Variants in TRIM49C observed in about 807,000 individuals in gnomAD.
The protein encoded by TRIM49C is tripartite motif containing 49C.
A neutral mutation model predicts 21.4 loss-of-function variants in TRIM49C; 6 were observed. That is an observed-to-expected ratio of 0.28 (90% CI 0.15 to 0.55). The LOEUF (loss-of-function observed/expected upper bound fraction) is 0.55, where lower values mean the gene tolerates loss of function less well. Ranked by LOEUF, TRIM49C falls within the 20% of genes least tolerant of loss-of-function variation. TRIM49C has a pLI of 0.94. For synonymous variants in TRIM49C, 57 were observed against 148.1 expected (o/e 0.38, Z 4.47); for missense variants, 161 against 442.4 (o/e 0.36, Z 5.71).
In TRIM49C at chr11:90,041,535, CTG is replaced by C. The variant is rs1950771073; in HGVS notation, c.1346_1347del (p.Cys449TyrfsTer30). The stretch of plus-strand genomic sequence containing the variant: ...CACCTCCTCTCAGGCCTATCTTTTG[CTG>C]TATTCACTTCTGACCAGAGACAAAT... ...FSPPLRPIFC[C>X]IHF On this transcript the variant is annotated frameshift_variant, in exon 8 of 8. Transcript: ENST00000448984. LOFTEE classifies it high-confidence loss of function. 7.1e-7 allele frequency: 1 copy of C among 1,398,780 alleles called. No homozygotes were observed. Among genetic ancestry groups the C allele is most frequent in the Admixed American group, 2.1e-5 (1 of 46,606 alleles). 86.6% of individuals were successfully genotyped at this position (1,398,780 alleles called of 1,614,324 possible).
At chr11:90,054,319 G>A in the TRIM49C span, among the ~76,000 whole-genome samples, 1 of 131,876 alleles carries the variant, frequency 7.6e-6, no homozygotes, top group Non-Finnish European at 1.6e-5. Flanking sequence ...TCTTCCACTG[G>A]CATGTTAAGT....
rs962892664 is a variant in TRIM49C, at chr11:90,032,595, T to C, written c.-5+13T>C. The C allele has an allele frequency of 2.3e-5, 3 of 130,816 alleles. No homozygotes were observed. The highest frequency in any genetic ancestry group is 2.6e-4 in the South Asian group (1 of 3,866). The allele number at this position is 130,816 out of a possible 1,614,324, so 8.1% of individuals were successfully genotyped here. A position where few individuals can be genotyped will look rare whatever the true frequency, so the allele number is the denominator to read the frequency against. On this transcript the variant is annotated intron_variant, in intron 2 of 7. Coordinates refer to ENST00000448984, the MANE Select transcript of TRIM49C (RefSeq NM_001195234.1). ...AAAGAACTCCAGGGTGAGTGAAACA[T>C]ATTGATAAAATTATATCATCTTTCC... is the stretch of plus-strand genomic sequence containing the variant.
chr11:90,072,246 A>G, the TRIM49C span, among the ~76,000 whole-genome samples: 1 of 143,206 alleles, frequency 7.0e-6, no homozygotes, highest in African/African-American at 2.5e-5. Context: ...TAAAGCATAC[A>G]CGAGTAACTT....
Position 90,032,208 on chromosome 11 carries a change from A to G in TRIM49C, c.-190-189A>G. ...ATGCATCTTAGTTAATTTCTAGCCTATGTATGCTCTGACAGGATTTATGTT... is the reference window on the plus strand; with the variant it reads ...ATGCATCTTAGTTAATTTCTAGCCTGTGTATGCTCTGACAGGATTTATGTT... On this transcript the variant is annotated intron_variant, in intron 1 of 7. Coordinates refer to ENST00000448984, the MANE Select transcript of TRIM49C (RefSeq NM_001195234.1). Among the ~76,000 whole-genome samples, 4 of 133,440 alleles carry G rather than the reference A, an allele frequency of 3.0e-5. 2 individuals are homozygous for G. Among genetic ancestry groups the G allele is most frequent in the Non-Finnish European group, 6.4e-5 (4 of 62,344 alleles). The allele number at this position is 133,440 out of a possible 152,430, so 87.5% of individuals were successfully genotyped here.
the TRIM49C span, among the ~76,000 whole-genome samples, chr11:90,054,836 CAG>C: frequency 7.1e-6 from 1 of 139,992 alleles, no homozygotes; most frequent in East Asian, 2.1e-4. Context: ...CTTCCAAAAT[CAG>C]AGTCAAATAC....
the TRIM49C span, among the ~76,000 whole-genome samples, chr11:90,065,818 C>T: frequency 1.5e-4 from 20 of 136,938 alleles, 2 homozygotes; most frequent in African/African-American, 5.2e-4. Context: ...TAACCGAGTT[C>T]GGCGGCAGGC....
rs1350650838 is a variant in TRIM49C at position 90,035,528 on chromosome 11, T to G, written c.317T>G (p.Val106Gly). ...GAGACAAAGAAGATATTCTGTGAAG[T>G]GGACAGGAGCCTGCTCTGTTTGCTG... is the stretch of plus-strand genomic sequence containing the variant. ...HRETKKIFCE[V>G]DRSLLCLLCS... Residue 106 changes from valine to glycine, a missense_variant, in exon 3 of 8, where the codon GTG (valine) becomes GGG (glycine). Val to Gly is a moderately radical substitution (Grantham distance 109). Transcript: ENST00000448984. 1 of 1,475,030 alleles carries G rather than the reference T, an allele frequency of 6.8e-7. No homozygotes were observed. The highest frequency in any genetic ancestry group is 1.2e-5 in the South Asian group (1 of 82,020). 91.4% of individuals were successfully genotyped at this position (1,475,030 alleles called of 1,614,324 possible). A position where few individuals can be genotyped will look rare whatever the true frequency, so the allele number is the denominator to read the frequency against.
At chr11:90,045,840 C>G (rs1291511930), downstream of TRIM49C, among the ~76,000 whole-genome samples, 9 of 120,994 alleles carry the variant, frequency 7.4e-5, 3 homozygotes, top group African/African-American at 3.0e-4. Flanking sequence ...GACAGAGTAT[C>G]CCTGTCTTGC....
rs1163719560 is a variant in TRIM49C at position 90,034,174 on chromosome 11, G to C, written c.-4-1034G>C. ...CTGAAAGCTTCAGAACAAGTTTCAG[G>C]AGAGAGACGGAGGAAGTTGCCTTTT... is the stretch of plus-strand genomic sequence containing the variant. On this transcript the variant is annotated intron_variant, in intron 2 of 7. Transcript: ENST00000448984. Among the ~76,000 whole-genome samples the C allele has an allele frequency of 1.7e-5, 2 of 117,574 alleles. 1 individual carries two copies. The highest frequency in any genetic ancestry group is 3.2e-5 in the Non-Finnish European group (2 of 62,048). The allele number at this position is 117,574 out of a possible 152,430, so 77.1% of individuals were successfully genotyped here. A position where few individuals can be genotyped will look rare whatever the true frequency, so the allele number is the denominator to read the frequency against.
At chr11:90,071,627 T>C in the TRIM49C span, 1 of 878,578 alleles carries the variant, frequency 1.1e-6, no homozygotes, top group South Asian at 1.4e-5. Context: ...AATGAAGCAT[T>C]TTCTGTTGGA....
chr11:90,067,505 T>C, the TRIM49C span, among the ~76,000 whole-genome samples: 3 of 147,708 alleles, frequency 2.0e-5, no homozygotes, highest in Non-Finnish European at 4.5e-5. Context: ...AGATAAAGTC[T>C]TTGAATGTTC....
At chr11:90,049,271 A>G in the TRIM49C span, among the ~76,000 whole-genome samples, 1 of 102,322 alleles carries the variant, frequency 9.8e-6, no homozygotes, top group Non-Finnish European at 1.9e-5. Flanking sequence ...GAGAACCACT[A>G]CTCTCTTCAA....
At chr11:90,037,187 G>T (rs1286170535) in intron 4 of TRIM49C, among the ~76,000 whole-genome samples, 3 of 135,784 alleles carry the variant, frequency 2.2e-5, no homozygotes, top group Admixed American at 8.6e-5. Flanking sequence ...TTTGGAGGCC[G>T]GAGGAACCAC....
chr11:90,043,522 C>G (rs1461704163), downstream of TRIM49C, among the ~76,000 whole-genome samples: 5 of 120,666 alleles, frequency 4.1e-5, 2 homozygotes, highest in African/African-American at 1.7e-4. Context: ...TTTAAAATAA[C>G]TGAGAAAGCT....
chr11:90,033,733 C>G (rs1950702899), intron 2 of TRIM49C, among the ~76,000 whole-genome samples: 1 of 133,406 alleles, frequency 7.5e-6, no homozygotes, highest in African/African-American at 2.7e-5. Context: ...CACTTGAGGC[C>G]AGAAGTTCAA....
Position 90,041,526 on chromosome 11 carries a change from T to C in TRIM49C, c.1335T>C (p.Pro445=). The C allele has an allele frequency of 1.4e-6, 2 of 1,423,986 alleles. No individual in the cohort carries two copies. The highest frequency in any genetic ancestry group is 1.9e-6 in the Non-Finnish European group (2 of 1,060,900). The allele number at this position is 1,423,986 out of a possible 1,614,324, so 88.2% of individuals were successfully genotyped here. The change falls in exon 8 of 8, where the codon CCT becomes CCC. Residue 445 remains proline (P), a synonymous_variant. Coordinates refer to ENST00000448984, the MANE Select transcript of TRIM49C (RefSeq NM_001195234.1). ...GCTCTTTCTCACCTCCTCTCAGGCC[T>C]ATCTTTTGCTGTATTCACTTCTGAC... is the stretch of plus-strand genomic sequence containing the variant. ...PNCSFSPPLR[P]IFCCIHF
At chr11:90,055,501 T>C in the TRIM49C span, among the ~76,000 whole-genome samples, 1 of 151,256 alleles carries the variant, frequency 6.6e-6, no homozygotes, top group Non-Finnish European at 1.5e-5. Flanking sequence ...TTGGGTTATT[T>C]TCAGTTGTGC....
the TRIM49C span, among the ~76,000 whole-genome samples, chr11:90,062,219 G>A: frequency 1.5e-5 from 2 of 137,230 alleles, no homozygotes. Flanking sequence ...ATTTGGATGT[G>A]AAAAATGATA....
the TRIM49C span, among the ~76,000 whole-genome samples, chr11:90,071,389 G>T: frequency 7.1e-6 from 1 of 141,080 alleles, no homozygotes; most frequent in South Asian, 2.4e-4. Flanking sequence ...TGACTCAGGG[G>T]TTTCTGTTTT....
Sources: gnomAD v4.1 joint callset for allele counts (sites outside exome capture counted in the v4.1 genomes callset) on GRCh38, gnomAD v4.1.1 for gene constraint, MANE v1.5 for transcripts, NCBI Gene and HGNC (gene_info 2026-07-23, HGNC 2026-07-21) for gene names.